SLC39A8: variants seen among roughly 807,000 people sequenced by gnomAD.
The protein encoded by SLC39A8 is solute carrier family 39 member 8.
Under a neutral mutation model 40.4 loss-of-function variants are expected in SLC39A8, and 15 were observed. The ratio of observed to expected loss-of-function variants is 0.37; its 90% CI spans 0.25 to 0.57. The LOEUF (loss-of-function observed/expected upper bound fraction) is 0.57. Ranked by LOEUF, SLC39A8 falls within the 20% of genes least tolerant of loss-of-function variation. The pLI is 0.75. For synonymous variants in SLC39A8, 223 were observed against 221.6 expected, an observed-to-expected ratio of 1.01 and a Z score of -0.06; for missense variants, 472 against 558.8, an observed-to-expected ratio of 0.84 and a Z score of 1.57.
At chr4:102,299,077 G>T (rs1315882378) in intron 6 of SLC39A8, among the ~76,000 whole-genome samples, 1 of 151,902 alleles carries the variant, frequency 6.6e-6, no homozygotes, top group Non-Finnish European at 1.5e-5. Context: ...AGACAGTTGG[G>T]AAGTACAGTA....
intron 6 of SLC39A8, among the ~76,000 whole-genome samples, chr4:102,278,023 C>T (rs1351449144): frequency 2.6e-5 from 4 of 152,100 alleles, no homozygotes; most frequent in African/African-American, 9.7e-5. Context: ...GACCTAAAAC[C>T]CTAGAAACCC....
chr4:102,294,993 G>T (rs1297499550), intron 6 of SLC39A8, among the ~76,000 whole-genome samples: 1 of 151,386 alleles, frequency 6.6e-6, no homozygotes, highest in Non-Finnish European at 1.5e-5. Context: ...TCATGAGAAG[G>T]TAAACAAACA....
Position 102,262,583 on chromosome 4 carries a change from A to G in SLC39A8, c.*461T>C. ...TTTATATTAGTGTTGCATACATTTT[A>G]CCTTCTACATTTTGATGTACTTGCT... On this transcript the variant is annotated 3_prime_UTR_variant, in exon 9 of 9. Transcript: ENST00000356736. 1 of 985,372 alleles carries G rather than the reference A, an allele frequency of 1.0e-6. No individual in the cohort carries two copies. The highest frequency in any genetic ancestry group is 1.2e-6 in the Non-Finnish European group (1 of 829,758). 61.0% of individuals were successfully genotyped at this position (985,372 alleles called of 1,614,324 possible).
chr4:102,345,107 A>C, intron 1 of SLC39A8, 192 bp from the exon 2 acceptor site: 1 of 166,892 alleles, frequency 6.0e-6, no homozygotes, highest in Admixed American at 6.4e-5. Flanking sequence ...GCCCCAAACC[A>C]CGCCACTTCT....
chr4:102,276,543 G>A (rs985766604), intron 6 of SLC39A8, among the ~76,000 whole-genome samples: 2 of 152,026 alleles, frequency 1.3e-5, no homozygotes, highest in African/African-American at 4.8e-5. Flanking sequence ...ATTCACAGTC[G>A]AATTCTACCA....
chr4:102,318,950 G>T (rs747326947), intron 2 of SLC39A8, among the ~76,000 whole-genome samples: 4 of 152,078 alleles, frequency 2.6e-5, no homozygotes, highest in African/African-American at 9.7e-5. Flanking sequence ...TGTTCAGCGC[G>T]TTGACATTTT....
chr4:102,256,142 C>T (rs1165283733), intron 11 of SLC39A8, among the ~76,000 whole-genome samples: 1 of 152,152 alleles, frequency 6.6e-6, no homozygotes, highest in East Asian at 1.9e-4. Context: ...TTAAGGTTAG[C>T]ACATACAATG....
At chr4:102,295,649 C>A (rs1487974892) in intron 6 of SLC39A8, among the ~76,000 whole-genome samples, 3 of 152,028 alleles carry the variant, frequency 2.0e-5, no homozygotes, top group Admixed American at 6.6e-5. Flanking sequence ...CCTGCCTTGG[C>A]CTCTCAAAGT....
At chr4:102,333,653 T>C (rs1735559286) in intron 2 of SLC39A8, among the ~76,000 whole-genome samples, 1 of 151,838 alleles carries the variant, frequency 6.6e-6, no homozygotes, top group South Asian at 2.1e-4. Context: ...ACCTGTTGAG[T>C]TGGGGAAAAG....
chr4:102,256,576 A>G (rs906939394), intron 11 of SLC39A8, among the ~76,000 whole-genome samples: 2 of 152,232 alleles, frequency 1.3e-5, no homozygotes, highest in Non-Finnish European at 2.9e-5. Flanking sequence ...TTAATCATAC[A>G]AATTAATCTA....
intron 6 of SLC39A8, among the ~76,000 whole-genome samples, chr4:102,274,007 A>C (rs1194272873): frequency 1.3e-5 from 2 of 152,246 alleles, no homozygotes; most frequent in East Asian, 3.8e-4. Context: ...CAGCACAAAA[A>C]GGCTAAAAAT....
Position 102,262,777 on chromosome 4 carries a change from C to T in SLC39A8, c.*267G>A. 8.6e-7 allele frequency: 1 copy of T among 1,158,038 alleles called. No individual in the cohort carries two copies. The highest frequency in any genetic ancestry group is 1.1e-6 in the Non-Finnish European group (1 of 938,754). 71.7% of individuals were successfully genotyped at this position (1,158,038 alleles called of 1,614,324 possible). A position where few individuals can be genotyped will look rare whatever the true frequency, so the allele number is the denominator to read the frequency against. ...CATGTCTCTTGCTTCATGGTGATATCTAATATGCATGGAATACTGAAAAAT... is the reference window on the plus strand; with the variant it reads ...CATGTCTCTTGCTTCATGGTGATATTTAATATGCATGGAATACTGAAAAAT... On this transcript the variant is annotated 3_prime_UTR_variant, in exon 9 of 9. Coordinates refer to ENST00000356736, the MANE Select transcript of SLC39A8 (RefSeq NM_001135146.2).
rs72692247 is a variant in SLC39A8, at chr4:102,312,492, A to G, written c.382+3176T>C. ...CAGTTCTCAACTCCTGGTTCCTGAA[A>G]CAGAGTAACCTAGTCAACTGGGGTT... On this transcript the variant is annotated intron_variant, in intron 3 of 8. Transcript: ENST00000356736. Among the ~76,000 whole-genome samples the G allele has an allele frequency of 1.2e-3, 183 of 152,238 alleles. 1 individual carries two copies. In the Middle Eastern group the frequency reaches 0.014, roughly 11 times the overall value.
intron 3 of SLC39A8, among the ~76,000 whole-genome samples, chr4:102,308,161 G>A (rs1367620552): frequency 6.6e-6 from 1 of 151,964 alleles, no homozygotes; most frequent in East Asian, 1.9e-4. Flanking sequence ...AGAGAAGGTG[G>A]CACCAGCAGC....
At chr4:102,287,136 T>C (rs1382378720) in intron 6 of SLC39A8, among the ~76,000 whole-genome samples, 1 of 152,048 alleles carries the variant, frequency 6.6e-6, no homozygotes, top group Non-Finnish European at 1.5e-5. Context: ...CCTCTACTCT[T>C]ACCCATAGCC....
intron 6 of SLC39A8, among the ~76,000 whole-genome samples, chr4:102,280,351 T>C (rs1732816517): frequency 6.6e-6 from 1 of 152,142 alleles, no homozygotes; most frequent in Non-Finnish European, 1.5e-5. Flanking sequence ...GTAGGCCATC[T>C]CTCTCTGGAA....
chr4:102,321,871 T>C (rs1265367366), intron 2 of SLC39A8, among the ~76,000 whole-genome samples: 2 of 152,118 alleles, frequency 1.3e-5, no homozygotes, highest in African/African-American at 4.8e-5. Flanking sequence ...AATCAGCATA[T>C]AGAAAGAAGA....
At position 102,299,029 on chromosome 4, in the gene SLC39A8, T is replaced by C. The variant is rs114308389; in HGVS notation, c.840+5288A>G. On this transcript the variant is annotated intron_variant, in intron 6 of 8. Transcript: ENST00000356736. ...AGATCTACCCCTGGGGAAAGTGAAC[T>C]AGAGAGACCCTCAATTCAAAGACAC... Among the ~76,000 whole-genome samples, 1,333 of 151,992 alleles carry C rather than the reference T, an allele frequency of 8.8e-3. 16 individuals are homozygous for C. The highest frequency in any genetic ancestry group is 0.03 in the African/African-American group (1,252 of 41,486).
chr4:102,327,574 G>C (rs1218765486), intron 2 of SLC39A8, among the ~76,000 whole-genome samples: 1 of 152,078 alleles, frequency 6.6e-6, no homozygotes, highest in South Asian at 2.1e-4. Context: ...AGACATCCCT[G>C]TTATCTATTT....
Sources: allele counts gnomAD v4.1 joint callset (sites outside exome capture counted in the v4.1 genomes callset), GRCh38; gene constraint gnomAD v4.1.1; transcripts MANE v1.5; gene names NCBI Gene and HGNC (gene_info 2026-07-23, HGNC 2026-07-21).